Variants in SLC38A6 observed in about 807,000 individuals in gnomAD.
SLC38A6 encodes solute carrier family 38 member 6.
In SLC38A6, 73 loss-of-function variants were observed where a neutral mutation model predicts 65.0. That is an observed-to-expected ratio of 1.12 (90% confidence interval 0.93 to 1.37). The LOEUF (loss-of-function observed/expected upper bound fraction) is 1.37. Among genes scored for constraint, SLC38A6 ranks in the 40% most tolerant of loss-of-function variants. SLC38A6 has a pLI of 0.00. For synonymous variants in SLC38A6, 183 were observed against 178.8 expected, an observed-to-expected ratio of 1.02 and a Z score of -0.19; for missense variants, 561 against 531.1, an observed-to-expected ratio of 1.06 and a Z score of -0.55.
At chr14:61,076,212 AG>A (rs1446397383) in intron 15 of SLC38A6, among the ~76,000 whole-genome samples, 7 of 152,150 alleles carry the variant, frequency 4.6e-5, no homozygotes, top group Non-Finnish European at 1.0e-4. Flanking sequence ...TGGGGCCCCT[AG>A]GGAAGAGCAC....
At chr14:61,072,851 T>C (rs1488745776) in intron 15 of SLC38A6, among the ~76,000 whole-genome samples, 1 of 152,236 alleles carries the variant, frequency 6.6e-6, no homozygotes, top group South Asian at 2.1e-4. Context: ...GGAGTGCAGA[T>C]AGCTCTTCAG....
intron 3 of SLC38A6, among the ~76,000 whole-genome samples, chr14:60,987,902 A>T (rs967065104): frequency 6.6e-6 from 1 of 152,194 alleles, no homozygotes; most frequent in African/African-American, 2.4e-5. Context: ...TTGGATTATG[A>T]CATTATACCA....
intron 8 of SLC38A6, among the ~76,000 whole-genome samples, chr14:61,041,442 T>C (rs1462506508): frequency 2.0e-5 from 3 of 152,242 alleles, no homozygotes; most frequent in African/African-American, 7.2e-5. Context: ...TATTGCACTT[T>C]GGAGCATTGC....
At chr14:61,081,865 G>C (rs1185666797) in intron 16 of SLC38A6, among the ~76,000 whole-genome samples, 2 of 152,172 alleles carry the variant, frequency 1.3e-5, no homozygotes, top group Non-Finnish European at 2.9e-5. Context: ...TAAAAGTCAG[G>C]ATGGAATCCT....
At chr14:61,083,396 C>T (rs1319674723) in intron 16 of SLC38A6, among the ~76,000 whole-genome samples, 1 of 152,194 alleles carries the variant, frequency 6.6e-6, no homozygotes, top group Non-Finnish European at 1.5e-5. Flanking sequence ...CTGTTATGCA[C>T]TCAATTGTGT....
At position 61,046,019 on chromosome 14, in the gene SLC38A6, C is replaced by T. The variant is rs766083637; in HGVS notation, c.825-48C>T. On this transcript the variant is annotated intron_variant, in intron 11 of 15. Transcript: ENST00000267488. ...AGCTTAGGACATACTTGTTTCTTTA[C>T]ATATAATTCAGATCACTTATTCTAC... is the stretch of plus-strand genomic sequence containing the variant. 2.4e-5 allele frequency: 28 copies of T among 1,163,924 alleles called. No homozygotes were observed. The Middle Eastern group carries it at 5.9e-4, about 24-fold the overall frequency. The allele number at this position is 1,163,924 out of a possible 1,614,324, so 72.1% of individuals were successfully genotyped here.
Position 61,028,569 on chromosome 14 carries a change from C to T in SLC38A6, c.404-1876C>T, listed in dbSNP as rs148133445. ...GCCAAATTGATAGCATTTTTCCTTACGAGAATATGAACAATACAGAACACA... is the reference window on the plus strand; with the variant it reads ...GCCAAATTGATAGCATTTTTCCTTATGAGAATATGAACAATACAGAACACA... On this transcript the variant is annotated intron_variant, in intron 5 of 15. Transcript: ENST00000267488. 1.7e-4 allele frequency among the ~76,000 whole-genome samples: 26 copies of T among 152,132 alleles called. No homozygotes were observed. In the East Asian group the frequency reaches 3.7e-3, roughly 21 times the overall value.
chr14:61,006,902 A>G (rs2039167348), intron 3 of SLC38A6, among the ~76,000 whole-genome samples: 1 of 152,212 alleles, frequency 6.6e-6, no homozygotes. Context: ...TATTCACAAT[A>G]GCAAAGACTT....
intron 5 of SLC38A6, among the ~76,000 whole-genome samples, chr14:61,029,982 G>A (rs1173080678): frequency 6.6e-6 from 1 of 152,226 alleles, no homozygotes; most frequent in Non-Finnish European, 1.5e-5. Flanking sequence ...TCTCTGTTGT[G>A]GGGAGGCATC....
chr14:61,063,498 C>T (rs78957886), intron 15 of SLC38A6, among the ~76,000 whole-genome samples: 1,559 of 152,244 alleles, frequency 0.01, 24 homozygotes, highest in African/African-American at 0.03. Context: ...GAACCAGAAC[C>T]TAGGGCTCTC....
chr14:61,042,257 C>T (rs996718421), intron 8 of SLC38A6, among the ~76,000 whole-genome samples: 21 of 152,062 alleles, frequency 1.4e-4, no homozygotes, highest in Non-Finnish European at 2.1e-4. Flanking sequence ...TTAAATTAGT[C>T]AAAATCCAAA....
chr14:61,078,775 T>TTTAG (rs2043525944), intron 15 of SLC38A6: 1 of 177,826 alleles, frequency 5.6e-6, no homozygotes, highest in Non-Finnish European at 1.1e-5. Flanking sequence ...TATTTTTTAT[T>TTTAG]TTATTTATTT....
chr14:61,071,919 A>G (rs2043241229), intron 15 of SLC38A6, among the ~76,000 whole-genome samples: 1 of 152,196 alleles, frequency 6.6e-6, no homozygotes, highest in Admixed American at 6.5e-5. Context: ...GAGTTTTCCC[A>G]TGAGTGGCGT....
chr14:61,009,651 G>T (rs2039408615), intron 3 of SLC38A6, among the ~76,000 whole-genome samples: 1 of 151,932 alleles, frequency 6.6e-6, no homozygotes, highest in Non-Finnish European at 1.5e-5. Flanking sequence ...TTGTCCTTGG[G>T]ATAGTTTGCT....
intron 3 of SLC38A6, among the ~76,000 whole-genome samples, chr14:61,002,708 A>T (rs147652488): frequency 6.6e-6 from 1 of 152,048 alleles, no homozygotes; most frequent in African/African-American, 2.4e-5. Flanking sequence ...TAAGGAAGAA[A>T]TTTTCCCCGA....
rs778854568 is a variant in SLC38A6 at position 60,982,552 on chromosome 14, A to G, written c.150A>G (p.Ser50=). 2 of 1,613,888 alleles carry G rather than the reference A, an allele frequency of 1.2e-6. No individual in the cohort carries two copies. Among genetic ancestry groups the G allele is most frequent in the Non-Finnish European group, 1.7e-6 (2 of 1,180,014 alleles). The change falls in exon 2 of 16, where the codon TCA becomes TCG. Residue 50 remains serine (S), a synonymous_variant. Transcript: ENST00000267488. ...CCCCAGGTGTTTCATTTGGTTTATC[A>G]GTGTTTAATTTGATGAATGCCATCA... ...QRSPGVSFGL[S]VFNLMNAIMG...
At chr14:61,076,852 G>C (rs1175992266) in intron 15 of SLC38A6, among the ~76,000 whole-genome samples, 1 of 152,206 alleles carries the variant, frequency 6.6e-6, no homozygotes, top group Non-Finnish European at 1.5e-5. Context: ...TCTTCAAGTA[G>C]AGCAGGGATG....
At chr14:60,981,428 C>T (rs773067329) in intron 1 of SLC38A6, 46 bp downstream of exon 1, 1 of 1,551,916 alleles carries the variant, frequency 6.4e-7, no homozygotes, top group East Asian at 2.4e-5. Context: ...CCTCCGGCTT[C>T]CCTCAAGTGC....
intron 5 of SLC38A6, among the ~76,000 whole-genome samples, chr14:61,028,125 A>C (rs1158281407): frequency 2.0e-5 from 3 of 152,090 alleles, no homozygotes; most frequent in Admixed American, 6.6e-5. Context: ...GGCTAATAGA[A>C]ATTCTGGAAA....
Sources: gnomAD v4.1 joint callset for allele counts (sites outside exome capture counted in the v4.1 genomes callset) on GRCh38, gnomAD v4.1.1 for gene constraint, MANE v1.5 for transcripts, NCBI Gene and HGNC (gene_info 2026-07-23, HGNC 2026-07-21) for gene names.